Variants in NSG1 observed in about 807,000 individuals in gnomAD.
NSG1 encodes the protein neuronal vesicle trafficking-associated protein 1.
A neutral mutation model predicts 19.3 loss-of-function variants in NSG1; 9 were observed. The observed-to-expected ratio is 0.47, with a 90% confidence interval of 0.28 to 0.81. NSG1 has a LOEUF of 0.81. Ranked by LOEUF, NSG1 falls within the 40% of genes least tolerant of loss-of-function variation. NSG1 has a pLI of 0.11. For synonymous variants in NSG1, 104 were observed against 107.0 expected (o/e 0.97, Z 0.17); for missense variants, 236 against 242.4 (o/e 0.97, Z 0.18).
In NSG1 at chr4:4,397,765, C is replaced by T. The variant is rs573020111; in HGVS notation, c.246+6174C>T. The stretch of plus-strand genomic sequence containing the variant: ...GACACATATTCCCTCCTTATCCACT[C>T]GTTATAAACGCACCCTGAGGCCCAG... On this transcript the variant is annotated intron_variant, in intron 3 of 4. Coordinates refer to ENST00000621129, the MANE Select transcript of NSG1 (RefSeq NM_014392.5). 3.9e-5 allele frequency among the ~76,000 whole-genome samples: 6 copies of T among 152,238 alleles called. 1 individual carries two copies. In the South Asian group the frequency reaches 6.2e-4, roughly 16 times the overall value.
At chr4:4,396,822 G>T (rs77164772) in intron 3 of NSG1, among the ~76,000 whole-genome samples, 4 of 151,852 alleles carry the variant, frequency 2.6e-5, no homozygotes, top group Admixed American at 2.6e-4. Context: ...TATTTATGAA[G>T]AGTGATGCCG....
At chr4:4,391,635 A>G in intron 3 of NSG1, 44 bp downstream of exon 3, 1 of 1,361,830 alleles carries the variant, frequency 7.3e-7, no homozygotes. Flanking sequence ...TTGCCCCCAG[A>G]AGGGGTCTGC....
rs148557724 is a variant in NSG1 at position 4,399,261 on chromosome 4, G to T, written c.246+7670G>T. Among the ~76,000 whole-genome samples the T allele has an allele frequency of 5.9e-3, 903 of 152,262 alleles. 10 individuals carry two copies. The highest frequency in any genetic ancestry group is 0.021 in the African/African-American group (856 of 41,546). On this transcript the variant is annotated intron_variant, in intron 3 of 4. Coordinates refer to ENST00000621129, the MANE Select transcript of NSG1 (RefSeq NM_014392.5). ...GGGCTCAAGTGATCCTCCCACCTCA[G>T]CCCCTGGAGTAGCTGGGACTACAGG...
chr4:4,416,129 T>C, intron 4 of NSG1: 1 of 702,380 alleles, frequency 1.4e-6, no homozygotes, highest in South Asian at 1.5e-5. Flanking sequence ...AACACGGTGG[T>C]GTGACTCATT....
intron 3 of NSG1, among the ~76,000 whole-genome samples, chr4:4,393,940 C>T (rs1372980625): frequency 1.3e-5 from 2 of 152,240 alleles, no homozygotes; most frequent in Admixed American, 1.3e-4. Context: ...CCTCACCGCC[C>T]TGTTTCCAGT....
At chr4:4,388,317 TTCCTTTTGTGAAATC>T (rs1406723891) in intron 2 of NSG1, among the ~76,000 whole-genome samples, 1 of 152,234 alleles carries the variant, frequency 6.6e-6, no homozygotes, top group Non-Finnish European at 1.5e-5. Context: ...TTCCTCTTTG[TTCCTTTTGTGAAATC>T]TCCAAATAAG....
intron 3 of NSG1, among the ~76,000 whole-genome samples, chr4:4,407,656 C>T (rs1157448264): frequency 6.6e-6 from 1 of 152,048 alleles, no homozygotes; most frequent in Non-Finnish European, 1.5e-5. Context: ...AATTGTGAGG[C>T]CTGGAGATGA....
chr4:4,416,272 CT>C, intron 4 of NSG1: 1 of 699,184 alleles, frequency 1.4e-6, no homozygotes, highest in Admixed American at 2.0e-5. Context: ...GTGGCAGCCC[CT>C]GAACACTGGA....
intron 3 of NSG1, among the ~76,000 whole-genome samples, chr4:4,407,428 G>A (rs1307435405): frequency 6.6e-6 from 1 of 152,160 alleles, no homozygotes; most frequent in Non-Finnish European, 1.5e-5. Context: ...AGGTAGCCAG[G>A]CGGAGTGCGA....
intron 3 of NSG1, among the ~76,000 whole-genome samples, chr4:4,401,472 G>A (rs1171658958): frequency 3.9e-5 from 6 of 152,148 alleles, no homozygotes; most frequent in African/African-American, 1.2e-4. Flanking sequence ...CTTCAGGCCC[G>A]TGGCACAAAC....
At chr4:4,387,561 C>CCGGGGGGGGG in intron 1 of NSG1, 43 bp from the exon 2 acceptor site, 20 of 1,141,972 alleles carry the variant, frequency 1.8e-5, no homozygotes, top group Non-Finnish European at 1.9e-5. Context: ...CGCCCCGCCC[C>CCGGGGGGGGG]GGGTCTTGCT....
chr4:4,402,018 C>CCA (rs1723572677), intron 3 of NSG1, among the ~76,000 whole-genome samples: 1 of 150,428 alleles, frequency 6.6e-6, no homozygotes, highest in Non-Finnish European at 1.5e-5. Flanking sequence ...GCAGCTGGGA[C>CCA]CACAGATGCT....
chr4:4,401,229 C>T (rs1296925642), intron 3 of NSG1, among the ~76,000 whole-genome samples: 2 of 152,206 alleles, frequency 1.3e-5, no homozygotes, highest in Non-Finnish European at 2.9e-5. Flanking sequence ...TACACACATG[C>T]ATGCATATCA....
chr4:4,402,012 C>A (rs1044572612), intron 3 of NSG1, among the ~76,000 whole-genome samples: 2 of 150,890 alleles, frequency 1.3e-5, no homozygotes, highest in African/African-American at 4.9e-5. Context: ...TCCTGAGCAG[C>A]TGGGACCACA....
chr4:4,416,604 C>T (rs1245941726), intron 4 of NSG1, among the ~76,000 whole-genome samples: 1 of 152,154 alleles, frequency 6.6e-6, no homozygotes, highest in East Asian at 1.9e-4. Context: ...TGTGGATTTG[C>T]TGCCAGAATC....
intron 3 of NSG1, among the ~76,000 whole-genome samples, chr4:4,396,871 C>T (rs557492697): frequency 4.6e-5 from 7 of 151,868 alleles, no homozygotes; most frequent in African/African-American, 1.2e-4. Flanking sequence ...GGGTTCTTCC[C>T]GTGGGGGTGG....
At chr4:4,396,410 C>A (rs1723251010) in intron 3 of NSG1, among the ~76,000 whole-genome samples, 1 of 152,224 alleles carries the variant, frequency 6.6e-6, no homozygotes. Flanking sequence ...GATGTGAGGT[C>A]AGGTTTGGGT....
At chr4:4,388,586 C>T (rs1437792200) in intron 2 of NSG1, among the ~76,000 whole-genome samples, 1 of 152,268 alleles carries the variant, frequency 6.6e-6, no homozygotes, top group Non-Finnish European at 1.5e-5. Flanking sequence ...CATCTACTCT[C>T]AGCATCTTGC....
chr4:4,417,135 G>T (rs1724591787), intron 4 of NSG1, 100 bp from the exon 5 acceptor site: 1 of 976,640 alleles, frequency 1.0e-6, no homozygotes, highest in Non-Finnish European at 1.6e-6. Flanking sequence ...ATTCCTCCAA[G>T]CTCAGGGAAG....
Sources: allele counts gnomAD v4.1 joint callset (sites outside exome capture counted in the v4.1 genomes callset), GRCh38; gene constraint gnomAD v4.1.1; transcripts MANE v1.5; gene names NCBI Gene and HGNC (gene_info 2026-07-23, HGNC 2026-07-21).